Variants in FOXP2 observed in about 807,000 individuals in gnomAD.
FOXP2 encodes the protein forkhead box protein P2.
Under a neutral mutation model 115.8 loss-of-function variants are expected in FOXP2, and 12 were observed. The ratio of observed to expected loss-of-function variants is 0.10; its 90% confidence interval spans 0.07 to 0.17. The LOEUF is 0.17. Ranked by LOEUF, FOXP2 falls within the 10% of genes least tolerant of loss-of-function variation. FOXP2 has a pLI of 1.00. For missense variants in FOXP2, 629 were observed against 843.5 expected, an observed-to-expected ratio of 0.75 and a Z score of 3.15; for synonymous variants, 328 against 297.7, an observed-to-expected ratio of 1.10 and a Z score of -1.05.
chr7:114,185,902 A>G lies in FOXP2; in HGVS notation c.-102+22814A>G, dbSNP rs577790032. On this transcript the variant is annotated intron_variant, in intron 1 of 17. Transcript: ENST00000634411. ...ATCAACAGAAATTTATTGATTCACAATTCTGGAGCCTGGGAAATACACTAT... is the reference window on the plus strand; with the variant it reads ...ATCAACAGAAATTTATTGATTCACAGTTCTGGAGCCTGGGAAATACACTAT... 4.6e-5 allele frequency among the ~76,000 whole-genome samples: 7 copies of G among 152,264 alleles called. No individual in the cohort carries two copies. In the South Asian group the frequency reaches 8.3e-4, roughly 18 times the overall value.
chr7:114,691,848 C>T lies in FOXP2; in HGVS notation c.*1922C>T. The T allele has an allele frequency of 2.2e-6, 1 of 449,682 alleles. No individual in the cohort carries two copies. The highest frequency in any genetic ancestry group is 7.0e-4 in the Middle Eastern group (1 of 1,428). 27.9% of individuals were successfully genotyped at this position (449,682 alleles called of 1,614,324 possible). On this transcript the variant is annotated 3_prime_UTR_variant, in exon 17 of 17. Transcript: ENST00000350908. Reference sequence around the variant, plus strand: ...GTTAGAGAGATACCCAGTCATCTATCACACCAAATAAAAGGACATAACGGC... The same window carrying T: ...GTTAGAGAGATACCCAGTCATCTATTACACCAAATAAAAGGACATAACGGC...
At position 114,690,938 on chromosome 7, in the gene FOXP2, A is replaced by G. The variant is rs1296396548; in HGVS notation, c.*1012A>G. 6.6e-6 allele frequency: 3 copies of G among 454,524 alleles called. No homozygotes were observed. In the East Asian group the frequency reaches 2.1e-4, roughly 32 times the overall value. The allele number at this position is 454,524 out of a possible 1,614,324, so 28.2% of individuals were successfully genotyped here. A position where few individuals can be genotyped will look rare whatever the true frequency, so the allele number is the denominator to read the frequency against. On this transcript the variant is annotated 3_prime_UTR_variant, in exon 17 of 17. Coordinates refer to ENST00000350908, the MANE Select transcript of FOXP2 (RefSeq NM_014491.4). ...CAAATATGACAAAAACCACAACTAAAAAATGTTAATTCAGTCACAGAGTAA... is the reference window on the plus strand; with the variant it reads ...CAAATATGACAAAAACCACAACTAAGAAATGTTAATTCAGTCACAGAGTAA...
intron 2 of FOXP2, among the ~76,000 whole-genome samples, chr7:114,309,165 T>C (rs2129179722): frequency 6.6e-6 from 1 of 152,314 alleles, no homozygotes; most frequent in African/African-American, 2.4e-5. Flanking sequence ...AGATAAAGAT[T>C]AGACAAGTGT....
At chr7:114,143,487 G>A (rs985236563) in intron 1 of FOXP2, among the ~76,000 whole-genome samples, 1 of 151,982 alleles carries the variant, frequency 6.6e-6, no homozygotes, top group Non-Finnish European at 1.5e-5. Context: ...GGATTGGTAT[G>A]ACAATAGTTT....
chr7:114,186,995 C>T (rs138447684), intron 1 of FOXP2, among the ~76,000 whole-genome samples: 398 of 152,202 alleles, frequency 2.6e-3, no homozygotes, highest in African/African-American at 9.0e-3. Flanking sequence ...GCTTTTCTGC[C>T]GTCAAGCATG....
In FOXP2 at chr7:114,557,045, T is replaced by C. The variant is rs1045824920; in HGVS notation, c.258+22339T>C. Among the ~76,000 whole-genome samples, 5 of 152,340 alleles carry C rather than the reference T, an allele frequency of 3.3e-5. No individual in the cohort carries two copies. In the East Asian group the frequency reaches 9.6e-4, roughly 29 times the overall value. ...TATTTTTCATTTCTTGAAATTAATA[T>C]GTAAAATACAGTTTTTACATTAAGC... is the stretch of plus-strand genomic sequence containing the variant. On this transcript the variant is annotated intron_variant, in intron 3 of 16. Coordinates refer to ENST00000350908, the MANE Select transcript of FOXP2 (RefSeq NM_014491.4).
intron 1 of FOXP2, among the ~76,000 whole-genome samples, chr7:114,256,973 G>A (rs1177817438): frequency 6.6e-6 from 1 of 152,138 alleles, no homozygotes; most frequent in African/African-American, 2.4e-5. Flanking sequence ...ACCAAAAGGA[G>A]CCCACATAGC....
chr7:114,400,787 T>G (rs1200153027), intron 2 of FOXP2, among the ~76,000 whole-genome samples: 1 of 152,026 alleles, frequency 6.6e-6, no homozygotes, highest in Non-Finnish European at 1.5e-5. Flanking sequence ...TGTGGCCCAG[T>G]TCCTAACAGG....
chr7:114,292,519 C>A (rs532492601), intron 2 of FOXP2, among the ~76,000 whole-genome samples: 2 of 152,210 alleles, frequency 1.3e-5, no homozygotes, highest in South Asian at 2.1e-4. Context: ...GATATGTATA[C>A]CTTTAACTAC....
chr7:114,653,407 T>TA, intron 9 of FOXP2: 33 of 162,024 alleles, frequency 2.0e-4, no homozygotes, highest in South Asian at 1.4e-3. Context: ...CGTGGCAGAG[T>TA]TCAGCGTTTC....
intron 1 of FOXP2, among the ~76,000 whole-genome samples, chr7:114,170,048 C>G (rs1793097361): frequency 6.6e-6 from 1 of 152,148 alleles, no homozygotes; most frequent in African/African-American, 2.4e-5. Context: ...TCTTTATCAG[C>G]AGCATGAAAA....
intron 2 of FOXP2, among the ~76,000 whole-genome samples, chr7:114,526,630 T>C (rs1405305726): frequency 6.6e-6 from 1 of 152,204 alleles, no homozygotes; most frequent in African/African-American, 2.4e-5. Flanking sequence ...TGCAAACTAC[T>C]TCTACTTCAG....
intron 1 of FOXP2, among the ~76,000 whole-genome samples, chr7:114,095,184 T>C (rs1799619418): frequency 6.6e-6 from 1 of 152,226 alleles, no homozygotes; most frequent in Non-Finnish European, 1.5e-5. Flanking sequence ...GTACTATACC[T>C]GTCTATAACT....
chr7:114,247,791 G>A (rs1013111446), intron 1 of FOXP2, among the ~76,000 whole-genome samples: 4 of 152,120 alleles, frequency 2.6e-5, no homozygotes, highest in Non-Finnish European at 5.9e-5. Context: ...ATAATAGTAC[G>A]AAGGGGTGAA....
Position 114,692,656 on chromosome 7 carries a change from C to A in FOXP2, c.*2730C>A. 1 of 441,642 alleles carries A rather than the reference C, an allele frequency of 2.3e-6. No individual in the cohort carries two copies. 27.4% of individuals were successfully genotyped at this position (441,642 alleles called of 1,614,324 possible). ...TTTGAACTAATGTATGTATTTATTG[C>A]TTGAACTTCTGTGCATACCTTATAA... On this transcript the variant is annotated 3_prime_UTR_variant, in exon 17 of 17. Transcript: ENST00000350908.
intron 1 of FOXP2, among the ~76,000 whole-genome samples, chr7:114,205,444 G>C (rs899865567): frequency 5.9e-5 from 9 of 152,118 alleles, no homozygotes; most frequent in African/African-American, 1.9e-4. Flanking sequence ...CTTTACAACA[G>C]CTTCATGAGT....
chr7:114,243,680 T>C (rs1359591577), intron 1 of FOXP2, among the ~76,000 whole-genome samples: 1 of 152,186 alleles, frequency 6.6e-6, no homozygotes, highest in Admixed American at 6.5e-5. Flanking sequence ...CCGAATTGGG[T>C]TGCTAACGAC....
intron 16 of FOXP2, among the ~76,000 whole-genome samples, chr7:114,679,365 G>T (rs929884955): frequency 6.6e-6 from 1 of 152,134 alleles, no homozygotes; most frequent in South Asian, 2.1e-4. Context: ...CACCTTAGTG[G>T]TCTGACCATC....
rs539308287 is a variant in FOXP2 at position 114,253,826 on chromosome 7, C to G, written c.-101-34193C>G. Among the ~76,000 whole-genome samples, 30 of 152,262 alleles carry G rather than the reference C, an allele frequency of 2.0e-4. 1 individual carries two copies. In the South Asian group the frequency reaches 5.8e-3, roughly 29 times the overall value. On this transcript the variant is annotated intron_variant, in intron 1 of 17. Transcript: ENST00000634411. Reference sequence around the variant, plus strand: ...TAATATTGTTATGTGTGAATTTGATCCTGTCATTATGATGTTAGCTGGTTA... The same window carrying G: ...TAATATTGTTATGTGTGAATTTGATGCTGTCATTATGATGTTAGCTGGTTA...
Sources: allele counts gnomAD v4.1 joint callset (sites outside exome capture counted in the v4.1 genomes callset), GRCh38; gene constraint gnomAD v4.1.1; transcripts MANE v1.5; gene names NCBI Gene and HGNC (gene_info 2026-07-23, HGNC 2026-07-21).